The following NCOA3 variants were observed in gnomAD, a reference collection of about 807,000 sequenced individuals.
NCOA3 encodes nuclear receptor coactivator 3.
A neutral mutation model predicts 158.8 loss-of-function variants in NCOA3; 51 were observed. That is an observed-to-expected ratio of 0.32 (90% CI 0.26 to 0.41). NCOA3 has a LOEUF of 0.41. NCOA3 is among the 10% of genes least tolerant of loss of function. NCOA3 has a pLI of 1.00. For synonymous variants in NCOA3, 537 were observed against 592.4 expected, an observed-to-expected ratio of 0.91 and a Z score of 1.36; for missense variants, 1,510 against 1,746.6, an observed-to-expected ratio of 0.86 and a Z score of 2.41.
rs573460296 is a variant in NCOA3, at chr20:47,641,535, C to G, written c.3081-678C>G. ...TTTTTTTTTGAGACAAAGTCTTGCT[C>G]TCTCTCCCAGCCTGGAGTGCAGTGG... On this transcript the variant is annotated intron_variant, in intron 16 of 22. Transcript: ENST00000371998. Among the ~76,000 whole-genome samples the G allele has an allele frequency of 2.3e-3, 265 of 113,700 alleles. 1 individual carries two copies. The highest frequency in any genetic ancestry group is 0.011 in the South Asian group (34 of 3,146). The allele number at this position is 113,700 out of a possible 152,430, so 74.6% of individuals were successfully genotyped here.
intron 17 of NCOA3, among the ~76,000 whole-genome samples, chr20:47,645,360 T>TGATC (rs750175087): frequency 5.3e-5 from 8 of 152,068 alleles, no homozygotes; most frequent in Non-Finnish European, 1.0e-4. Flanking sequence ...CACCATGCTC[T>TGATC]GATCCCCTAC....
At chr20:47,610,788 C>T (rs2086030261) in intron 2 of NCOA3, among the ~76,000 whole-genome samples, 1 of 152,172 alleles carries the variant, frequency 6.6e-6, no homozygotes, top group South Asian at 2.1e-4. Flanking sequence ...ACCCAAAAGT[C>T]TTTTATTAGC....
intron 1 of NCOA3, among the ~76,000 whole-genome samples, chr20:47,573,215 A>G (rs2085321471): frequency 6.6e-6 from 1 of 152,094 alleles, no homozygotes; most frequent in African/African-American, 2.4e-5. Flanking sequence ...CCTGACCAAC[A>G]TGGTGAAACC....
intron 1 of NCOA3, among the ~76,000 whole-genome samples, chr20:47,573,770 G>A (rs968759585): frequency 4.6e-5 from 7 of 152,284 alleles, no homozygotes; most frequent in Admixed American, 6.5e-5. Context: ...TCAAAGGCAC[G>A]TGATGGGATC....
intron 1 of NCOA3, among the ~76,000 whole-genome samples, chr20:47,527,763 C>A (rs916269496): frequency 6.6e-6 from 1 of 152,126 alleles, no homozygotes; most frequent in African/African-American, 2.4e-5. Context: ...AGTTTTGTAA[C>A]CTCACCAACA....
intron 1 of NCOA3, among the ~76,000 whole-genome samples, chr20:47,519,915 C>G (rs950206316): frequency 2.0e-5 from 3 of 151,964 alleles, no homozygotes; most frequent in Non-Finnish European, 4.4e-5. Context: ...AGATGCCCAC[C>G]ACCACGCCTG....
chr20:47,512,588 A>C (rs1023670654), intron 1 of NCOA3, among the ~76,000 whole-genome samples: 6 of 135,768 alleles, frequency 4.4e-5, no homozygotes, highest in African/African-American at 1.8e-4. Flanking sequence ...AAAAAAAAAA[A>C]ACACAAAAGA....
At chr20:47,647,400 CCTT>C (rs770627604) in intron 18 of NCOA3, 34 bp downstream of exon 18, 3 of 1,591,076 alleles carry the variant, frequency 1.9e-6, no homozygotes, top group East Asian at 2.2e-5. Flanking sequence ...TCTGGCTTCT[CCTT>C]CTGTTGTTTT....
At chr20:47,650,635 G>A (rs28666694) in intron 19 of NCOA3, among the ~76,000 whole-genome samples, 62 of 151,850 alleles carry the variant, frequency 4.1e-4, no homozygotes, top group African/African-American at 1.5e-3. Context: ...AGGCCGAGGT[G>A]GGCGGATCAC....
Position 47,634,178 on chromosome 20 carries a change from A to G in NCOA3, c.1095A>G (p.Ser365=). The change falls in exon 10 of 23, where the codon TCA becomes TCG. Residue 365 remains serine (S), a synonymous_variant. Coordinates refer to ENST00000371998, the MANE Select transcript of NCOA3 (RefSeq NM_181659.3). ...CAAATGATCGACATGGCTTTGTCTC[A>G]ACCCACTTCCTTCAGAGGTAATGAT... ...PVTNDRHGFV[S]THFLQREQNG... The G allele has an allele frequency of 3.7e-6, 6 of 1,614,056 alleles. No homozygotes were observed. Among genetic ancestry groups the G allele is most frequent in the Non-Finnish European group, 5.1e-6 (6 of 1,179,976 alleles).
At chr20:47,588,307 G>T (rs920742552) in intron 2 of NCOA3, among the ~76,000 whole-genome samples, 2 of 151,340 alleles carry the variant, frequency 1.3e-5, no homozygotes, top group Non-Finnish European at 2.9e-5. Context: ...GCTAATTTTT[G>T]TATCTTTAAT....
intron 2 of NCOA3, among the ~76,000 whole-genome samples, chr20:47,599,388 T>G (rs1602464144): frequency 3.5e-5 from 5 of 143,284 alleles, no homozygotes; most frequent in East Asian, 2.1e-4. Context: ...GTTGAGGGGG[T>G]GGGAATGGGA....
rs772067074 is a variant in NCOA3, at chr20:47,633,557, T to C, written c.885T>C (p.Asp295=). ...LRSSMRPGFE[D]IIRRCIQRFF... ...CCTCCATGAGGCCTGGCTTTGAAGA[T>C]ATAATCCGAAGGTGTATTCAGAGAT... Residue 295 remains aspartate (D), a synonymous_variant, in exon 9 of 23, where the codon GAT becomes GAC. Coordinates refer to ENST00000371998, the MANE Select transcript of NCOA3 (RefSeq NM_181659.3). 6 of 1,613,684 alleles carry C rather than the reference T, an allele frequency of 3.7e-6. No homozygotes were observed. Among genetic ancestry groups the C allele is most frequent in the South Asian group, 1.1e-5 (1 of 91,056 alleles).
chr20:47,535,334 CGTGTGTTACA>C (rs901648587), intron 1 of NCOA3, among the ~76,000 whole-genome samples: 8 of 152,132 alleles, frequency 5.3e-5, no homozygotes, highest in Admixed American at 5.2e-4. Flanking sequence ...CCCCAGTGGC[CGTGTGTTACA>C]GTGTGCTCTT....
chr20:47,652,265 T>C (rs2086807526), intron 20 of NCOA3, 141 bp from the exon 21 acceptor site: 1 of 601,946 alleles, frequency 1.7e-6, no homozygotes, highest in African/African-American at 1.8e-5. Context: ...GGGCAGCATC[T>C]TATAGCACTC....
chr20:47,551,115 T>A (rs1197195744), intron 1 of NCOA3, among the ~76,000 whole-genome samples: 1 of 151,928 alleles, frequency 6.6e-6, no homozygotes, highest in Non-Finnish European at 1.5e-5. Flanking sequence ...AAAGGAAGAG[T>A]TGTAGAATTT....
At chr20:47,611,849 G>T (rs1043343113) in intron 2 of NCOA3, among the ~76,000 whole-genome samples, 28 of 151,774 alleles carry the variant, frequency 1.8e-4, no homozygotes, top group African/African-American at 6.5e-4. Context: ...CCAGACCAGG[G>T]TCTCACTCCC....
intron 1 of NCOA3, among the ~76,000 whole-genome samples, chr20:47,560,049 G>T (rs2085072361): frequency 6.6e-6 from 1 of 152,008 alleles, no homozygotes; most frequent in Non-Finnish European, 1.5e-5. Context: ...GCCTCCCAAA[G>T]TGTTGGAATT....
intron 2 of NCOA3, among the ~76,000 whole-genome samples, chr20:47,589,048 C>T (rs1249315966): frequency 6.6e-6 from 1 of 151,914 alleles, no homozygotes; most frequent in Non-Finnish European, 1.5e-5. Flanking sequence ...AACAGCATGC[C>T]CGTCTAATTT....
Sources: allele counts gnomAD v4.1 joint callset (sites outside exome capture counted in the v4.1 genomes callset), GRCh38; gene constraint gnomAD v4.1.1; transcripts MANE v1.5; gene names NCBI Gene and HGNC (gene_info 2026-07-23, HGNC 2026-07-21).